The following AMPD3 variants were observed in gnomAD, a reference collection of about 807,000 sequenced individuals.
AMPD3 encodes AMP deaminase 3.
Under a neutral mutation model 82.3 loss-of-function variants are expected in AMPD3, and 57 were observed. The observed-to-expected ratio is 0.69, with a 90% CI of 0.56 to 0.86. The LOEUF is 0.86. Among genes scored for constraint, AMPD3 ranks in the 40% least tolerant of loss-of-function variants. The pLI is 0.00. For missense variants in AMPD3, 870 were observed against 1,003.8 expected, an observed-to-expected ratio of 0.87 and a Z score of 1.80; for synonymous variants, 381 against 394.7, an observed-to-expected ratio of 0.97 and a Z score of 0.41.
intron 2 of AMPD3, among the ~76,000 whole-genome samples, chr11:10,468,337 T>C (rs1246471585): frequency 5.3e-5 from 6 of 112,324 alleles, no homozygotes; most frequent in Admixed American, 5.3e-4. Flanking sequence ...ACCAAGCAAA[T>C]GGAAAGAAAA....
chr11:10,499,443 C>T (rs1849515571), intron 10 of AMPD3: 1 of 154,694 alleles, frequency 6.5e-6, no homozygotes, highest in Non-Finnish European at 1.4e-5. Context: ...GCCTCGAACT[C>T]CTGACCTCGT....
chr11:10,468,576 C>G (rs1848490096), intron 2 of AMPD3, among the ~76,000 whole-genome samples: 1 of 152,172 alleles, frequency 6.6e-6, no homozygotes, highest in African/African-American at 2.4e-5. Context: ...TAATGGGAGA[C>G]TTTAACACCC....
intron 13 of AMPD3, among the ~76,000 whole-genome samples, chr11:10,503,655 A>G (rs1358528848): frequency 6.6e-6 from 1 of 152,198 alleles, no homozygotes; most frequent in Non-Finnish European, 1.5e-5. Context: ...ACATCAATAA[A>G]CCAATGAAAT....
intron 2 of AMPD3, chr11:10,473,311 G>A (rs1294613504): frequency 1.2e-6 from 1 of 853,742 alleles, no homozygotes; most frequent in African/African-American, 1.8e-5. Flanking sequence ...GAGAGAGATT[G>A]TAACACTTAA....
At chr11:10,488,797 ACTT>A (rs1177775088) in intron 6 of AMPD3, among the ~76,000 whole-genome samples, 20 of 151,928 alleles carry the variant, frequency 1.3e-4, no homozygotes, top group Admixed American at 1.2e-3. Context: ...CCTCTTGGGG[ACTT>A]CTTCTTTTTG....
chr11:10,501,232 G>T (rs1347276722), intron 11 of AMPD3: 5 of 985,190 alleles, frequency 5.1e-6, no homozygotes, highest in Middle Eastern at 5.2e-4. Flanking sequence ...GCACAGCAGG[G>T]TCTCTTTCTA....
Position 10,478,451 on chromosome 11 carries a change from C to T in AMPD3, c.222-75C>T, listed in dbSNP as rs535860427. 35 of 1,593,630 alleles carry T rather than the reference C, an allele frequency of 2.2e-5. No individual in the cohort carries two copies. The Admixed American group carries it at 4.8e-4, about 22-fold the overall frequency. ...CATAGCAAAATTCTCCTGCCACGCACACAGCAAAGAGTCTTTATCACTCAC... is the reference window on the plus strand; with the variant it reads ...CATAGCAAAATTCTCCTGCCACGCATACAGCAAAGAGTCTTTATCACTCAC... On this transcript the variant is annotated intron_variant, in intron 2 of 14. Transcript: ENST00000396553.
rs1849371403 is a variant in AMPD3 at position 10,495,619 on chromosome 11, G to A, written c.1316G>A (p.Arg439Gln). 3.7e-6 allele frequency: 6 copies of A among 1,613,644 alleles called. No homozygotes were observed. The highest frequency in any genetic ancestry group is 1.1e-5 in the South Asian group (1 of 91,044). Reference protein sequence around the residue: ...EESKYQYSEPRLSIYGRSPEE... With the variant: ...EESKYQYSEPQLSIYGRSPEE... ...AGCAAGTACCAGTACTCAGAGCCAC[G>A]GCTCTCCATCTACGGCCGCAGTCCT... Residue 439 changes from arginine to glutamine, a missense_variant, in exon 9 of 15, where the codon CGG becomes CAG. By Grantham distance (43) the Arg-to-Gln change is conservative (BLOSUM62 1). Coordinates refer to ENST00000396553, the MANE Select transcript of AMPD3 (RefSeq NM_001025389.2).
At chr11:10,502,275 A>C (rs1418769068) in intron 12 of AMPD3, 2 of 985,336 alleles carry the variant, frequency 2.0e-6, no homozygotes, top group Admixed American at 1.2e-4. Context: ...CACCCCTCCC[A>C]TCCCTTCAGG....
upstream of AMPD3, among the ~76,000 whole-genome samples, chr11:10,452,180 A>C (rs1399257491): frequency 6.8e-6 from 1 of 147,090 alleles, no homozygotes; most frequent in East Asian, 2.0e-4. Context: ...GGTTTTTTGT[A>C]GTTGTTTTTT....
At chr11:10,480,000 T>G in intron 3 of AMPD3, 2 of 982,602 alleles carry the variant, frequency 2.0e-6, no homozygotes, top group Non-Finnish European at 2.4e-6. Flanking sequence ...AAAGCAAGAG[T>G]CGAGGTGGGT....
Position 10,506,216 on chromosome 11 carries a change from A to G in AMPD3, c.*332A>G. On this transcript the variant is annotated 3_prime_UTR_variant, in exon 15 of 15. Coordinates refer to ENST00000396553, the MANE Select transcript of AMPD3 (RefSeq NM_001025389.2). This position sits in a 1 kb window ranked among gnomAD's most constrained non-coding sequence, Gnocchi z 4.1. Reference sequence around the variant, plus strand: ...TTTCCCTGGTCAGATGCCAAGTAACATGTGGTTTTCTGCCATACTTTTCTC... The same window carrying G: ...TTTCCCTGGTCAGATGCCAAGTAACGTGTGGTTTTCTGCCATACTTTTCTC... 2.8e-6 allele frequency: 1 copy of G among 353,598 alleles called. No individual in the cohort carries two copies. The highest frequency in any genetic ancestry group is 5.4e-6 in the Non-Finnish European group (1 of 185,328). The allele number at this position is 353,598 out of a possible 1,614,324, so 21.9% of individuals were successfully genotyped here.
intron 6 of AMPD3, among the ~76,000 whole-genome samples, chr11:10,488,661 C>T (rs1001735982): frequency 1.3e-5 from 2 of 151,988 alleles, no homozygotes; most frequent in East Asian, 1.9e-4. Context: ...GGTGTGGTGG[C>T]GAGCTGGGAG....
chr11:10,496,681 T>C, intron 9 of AMPD3, 131 bp from the exon 10 acceptor site: 1 of 1,512,518 alleles, frequency 6.6e-7, no homozygotes, highest in Non-Finnish European at 9.0e-7. Flanking sequence ...ATCTGTTTTC[T>C]GGTCCCATCT....
At chr11:10,481,942 C>T in intron 3 of AMPD3, 121 bp from the exon 4 acceptor site, 1 of 1,214,268 alleles carries the variant, frequency 8.2e-7, no homozygotes, top group East Asian at 2.3e-5. Flanking sequence ...GTGGTGAGAA[C>T]CCTCCTGAAA....
At chr11:10,505,518 G>C in intron 14 of AMPD3, 190 bp from the exon 15 acceptor site, 2 of 985,392 alleles carry the variant, frequency 2.0e-6, no homozygotes, top group Non-Finnish European at 2.4e-6. Flanking sequence ...GAGGTTGTCA[G>C]GGTGACATCC....
At chr11:10,484,267 TC>T in intron 4 of AMPD3, 1 of 985,368 alleles carries the variant, frequency 1.0e-6, no homozygotes, top group Non-Finnish European at 1.2e-6. Flanking sequence ...GATGGCTTTA[TC>T]ATTGGCATTC....
At position 10,482,198 on chromosome 11, in the gene AMPD3, A is replaced by T; in HGVS notation, c.562A>T (p.Thr188Ser). ...SQYLGHPRAD[T>S]APPEEGLPDF... ...GTACCTGGGTCATCCGCGGGCGGAT[A>T]CTGCACCTCCGGAAGAGGGCCTTCC... Residue 188 changes from threonine to serine, a missense_variant, in exon 4 of 15, where the codon ACT becomes TCT. Physicochemically the swap from Thr to Ser is moderately conservative, Grantham distance 58. Coordinates refer to ENST00000396553, the MANE Select transcript of AMPD3 (RefSeq NM_001025389.2). 6 of 1,612,930 alleles carry T rather than the reference A, an allele frequency of 3.7e-6. No homozygotes were observed. The Middle Eastern group carries it at 1.1e-3, about 296-fold the overall frequency.
chr11:10,506,763 A>G lies in AMPD3; in HGVS notation c.*879A>G, dbSNP rs1849723700. 1 of 152,220 alleles carries G rather than the reference A, an allele frequency of 6.6e-6. No individual in the cohort carries two copies. The highest frequency in any genetic ancestry group is 2.4e-5 in the African/African-American group (1 of 41,452). The allele number at this position is 152,220 out of a possible 1,614,324, so 9.4% of individuals were successfully genotyped here. Reference sequence around the variant, plus strand: ...CTGTAGGCCAATTATCACTTTACCAATTAAGAGTTAGGCCAGATAAGTGAA... The same window carrying G: ...CTGTAGGCCAATTATCACTTTACCAGTTAAGAGTTAGGCCAGATAAGTGAA... On this transcript the variant is annotated 3_prime_UTR_variant, in exon 15 of 15. Transcript: ENST00000396553. This position sits in a 1 kb window ranked among gnomAD's most constrained non-coding sequence, Gnocchi z 4.1.
Sources: allele counts gnomAD v4.1 joint callset (sites outside exome capture counted in the v4.1 genomes callset), GRCh38; gene constraint gnomAD v4.1.1; non-coding constraint Gnocchi (gnomAD v3.1); transcripts MANE v1.5; gene names NCBI Gene and HGNC (gene_info 2026-07-23, HGNC 2026-07-21).